The following MACROD2 variants were observed in gnomAD, a reference collection of about 807,000 sequenced individuals.
The protein encoded by MACROD2 is ADP-ribose glycohydrolase MACROD2.
Under a neutral mutation model 70.4 loss-of-function variants are expected in MACROD2, and 36 were observed. That is an observed-to-expected ratio of 0.51 (90% CI 0.39 to 0.68). The LOEUF is 0.68. MACROD2 is among the 30% of genes least tolerant of loss of function. The pLI is 0.00. For synonymous variants in MACROD2, 172 were observed against 178.8 expected (o/e 0.96, Z 0.30); for missense variants, 496 against 538.4 (o/e 0.92, Z 0.78).
chr20:15,872,787 AC>A (rs1386688249), intron 9 of MACROD2, among the ~76,000 whole-genome samples: 1 of 152,188 alleles, frequency 6.6e-6, no homozygotes, highest in African/African-American at 2.4e-5. Flanking sequence ...AAAAATACAA[AC>A]TATTTTCTGT....
chr20:15,358,752 T>G (rs936851645), intron 6 of MACROD2, among the ~76,000 whole-genome samples: 2 of 152,016 alleles, frequency 1.3e-5, no homozygotes, highest in Non-Finnish European at 2.9e-5. Flanking sequence ...GGTACTGGCC[T>G]GCAGACGGTT....
At chr20:14,784,934 A>G (rs1212953294) in intron 5 of MACROD2, among the ~76,000 whole-genome samples, 1 of 152,046 alleles carries the variant, frequency 6.6e-6, no homozygotes, top group African/African-American at 2.4e-5. Context: ...TACAAATGAG[A>G]AAACAGGGCC....
At chr20:14,763,944 A>G (rs1410753607) in intron 5 of MACROD2, among the ~76,000 whole-genome samples, 3 of 152,108 alleles carry the variant, frequency 2.0e-5, no homozygotes, top group Admixed American at 1.3e-4. Context: ...CAAACCTCAG[A>G]TATATGTATA....
chr20:15,844,178 G>T (rs2064204291), intron 8 of MACROD2, among the ~76,000 whole-genome samples: 1 of 152,006 alleles, frequency 6.6e-6, no homozygotes, highest in Non-Finnish European at 1.5e-5. Flanking sequence ...ATCACTCAAT[G>T]AATCAACTGA....
rs148577866 is a variant in MACROD2 at position 14,007,486 on chromosome 20, G to A, written c.163+5082G>A. ...AAAGGAGGCATATACGTGTGTGTTT[G>A]TGCATGCGCGTGCATGTATTTATAG... is the stretch of plus-strand genomic sequence containing the variant. On this transcript the variant is annotated intron_variant, in intron 2 of 17. Transcript: ENST00000684519. Among the ~76,000 whole-genome samples the A allele has an allele frequency of 3.9e-3, 593 of 152,268 alleles. 1 individual carries two copies. Among genetic ancestry groups the A allele is most frequent in the East Asian group, 8.3e-3 (43 of 5,188 alleles).
chr20:14,480,424 A>G (rs2084650054), intron 3 of MACROD2, among the ~76,000 whole-genome samples: 1 of 152,212 alleles, frequency 6.6e-6, no homozygotes, highest in Admixed American at 6.5e-5. Flanking sequence ...TACCATATGC[A>G]AATTCTCTTA....
At chr20:14,950,309 A>G (rs924851270) in intron 5 of MACROD2, among the ~76,000 whole-genome samples, 8 of 152,078 alleles carry the variant, frequency 5.3e-5, no homozygotes, top group African/African-American at 1.9e-4. Context: ...ACCACATTAT[A>G]CATCTCAGGT....
intron 6 of MACROD2, among the ~76,000 whole-genome samples, chr20:15,233,979 T>TTTTA (rs1555795265): frequency 4.1e-5 from 2 of 49,012 alleles, no homozygotes; most frequent in Non-Finnish European, 7.6e-5. Flanking sequence ...TTATATATAT[T>TTTTA]TATTTATATA....
At position 15,295,483 on chromosome 20, in the gene MACROD2, A is replaced by C. The variant is rs1186590629; in HGVS notation, c.540+65422A>C. Among the ~76,000 whole-genome samples the C allele has an allele frequency of 2.6e-5, 4 of 152,098 alleles. No individual in the cohort carries two copies. The East Asian group carries it at 5.8e-4, about 22-fold the overall frequency. The stretch of plus-strand genomic sequence containing the variant: ...AAAAGAGGTGCTGGGTCTGGTAACC[A>C]AAGACTAGATGGAGGGAAGTTTCTG... On this transcript the variant is annotated intron_variant, in intron 6 of 17. Transcript: ENST00000684519.
At chr20:14,186,993 C>T (rs150142081) in intron 3 of MACROD2, among the ~76,000 whole-genome samples, 95 of 152,146 alleles carry the variant, frequency 6.2e-4, no homozygotes, top group East Asian at 4.3e-3. Context: ...GAAAAACTAC[C>T]GGAAGGGTAC....
At chr20:14,442,391 A>G (rs1391659378) in intron 3 of MACROD2, among the ~76,000 whole-genome samples, 1 of 152,050 alleles carries the variant, frequency 6.6e-6, no homozygotes. Flanking sequence ...ATTTTGGTCA[A>G]TTTTACTCTC....
intron 8 of MACROD2, among the ~76,000 whole-genome samples, chr20:15,743,770 A>G (rs2051139198): frequency 6.6e-6 from 1 of 152,214 alleles, no homozygotes; most frequent in South Asian, 2.1e-4. Flanking sequence ...CGTTTAGCAC[A>G]GAGTAATTGC....
At chr20:15,119,936 G>A (rs2076018334) in intron 5 of MACROD2, among the ~76,000 whole-genome samples, 1 of 152,210 alleles carries the variant, frequency 6.6e-6, no homozygotes, top group Non-Finnish European at 1.5e-5. Context: ...ATTATATCAT[G>A]ACTTCATATT....
At chr20:15,211,201 C>A (rs189883497) in intron 5 of MACROD2, among the ~76,000 whole-genome samples, 1 of 152,164 alleles carries the variant, frequency 6.6e-6, no homozygotes, top group African/African-American at 2.4e-5. Flanking sequence ...ATACTATATT[C>A]TCTTTTGTCT....
intron 5 of MACROD2, among the ~76,000 whole-genome samples, chr20:15,218,567 G>T (rs191917359): frequency 1.7e-3 from 260 of 152,244 alleles, no homozygotes; most frequent in South Asian, 0.017. Flanking sequence ...TTAAAAAGCT[G>T]CTCCCACCCT....
chr20:15,200,246 A>G (rs2076644403), intron 5 of MACROD2, among the ~76,000 whole-genome samples: 1 of 152,212 alleles, frequency 6.6e-6, no homozygotes, highest in Non-Finnish European at 1.5e-5. Context: ...TTCACTGGTG[A>G]CTGATTTAAA....
intron 8 of MACROD2, among the ~76,000 whole-genome samples, chr20:15,564,303 T>C (rs2048283425): frequency 6.6e-6 from 1 of 152,220 alleles, no homozygotes; most frequent in Non-Finnish European, 1.5e-5. Context: ...TGGTATCTTT[T>C]TGACAGCAAA....
chr20:15,921,349 G>A (rs6105493), intron 10 of MACROD2, among the ~76,000 whole-genome samples: 3,585 of 152,242 alleles, frequency 0.024, 76 homozygotes, highest in African/African-American at 0.053. Context: ...CTTCATTTGC[G>A]TGAATATTTC....
At chr20:14,514,279 A>G (rs1004454785) in intron 4 of MACROD2, among the ~76,000 whole-genome samples, 1 of 152,158 alleles carries the variant, frequency 6.6e-6, no homozygotes. Flanking sequence ...CAGCCAGACT[A>G]CATTTCCAGT....
Sources: gnomAD v4.1 joint callset for allele counts (sites outside exome capture counted in the v4.1 genomes callset) on GRCh38, gnomAD v4.1.1 for gene constraint, MANE v1.5 for transcripts, NCBI Gene and HGNC (gene_info 2026-07-23, HGNC 2026-07-21) for gene names.